The following PDE4C variants were observed in gnomAD, a reference collection of about 807,000 sequenced individuals.
The protein encoded by PDE4C is phosphodiesterase 4C.
Under a neutral mutation model 63.9 loss-of-function variants are expected in PDE4C, and 50 were observed. The ratio of observed to expected loss-of-function variants is 0.78; its 90% confidence interval spans 0.62 to 0.99. PDE4C has a LOEUF of 0.99. Among genes scored for constraint, PDE4C ranks in the 50% least tolerant of loss-of-function variants. PDE4C has a pLI of 0.00. For synonymous variants in PDE4C, 377 were observed against 385.1 expected, an observed-to-expected ratio of 0.98 and a Z score of 0.25; for missense variants, 777 against 899.1, an observed-to-expected ratio of 0.86 and a Z score of 1.74.
downstream of PDE4C, chr19:18,208,486 C>A (rs1967786123): frequency 6.6e-6 from 1 of 151,586 alleles, no homozygotes; most frequent in Non-Finnish European, 1.5e-5. Context: ...CCCCCAACCC[C>A]CGACAAGCGC....
intron 1 of PDE4C, among the ~76,000 whole-genome samples, chr19:18,232,463 G>A (rs995245878): frequency 5.3e-5 from 8 of 151,600 alleles, no homozygotes; most frequent in Non-Finnish European, 1.2e-4. Flanking sequence ...GGGTGCTTGA[G>A]CTGGTCACAA....
chr19:18,215,941 T>A (rs1313406918), intron 12 of PDE4C, among the ~76,000 whole-genome samples: 3 of 151,400 alleles, frequency 2.0e-5, no homozygotes, highest in African/African-American at 7.3e-5. Context: ...GCGATTCTCC[T>A]GCCTCAGCCT....
upstream of PDE4C, among the ~76,000 whole-genome samples, chr19:18,249,327 T>C (rs1969196008): frequency 2.0e-5 from 3 of 152,012 alleles, no homozygotes; most frequent in African/African-American, 7.2e-5. Context: ...CAGACTAGAG[T>C]GCAGTGGTGC....
At chr19:18,236,221 G>A (rs939188438), upstream of PDE4C, among the ~76,000 whole-genome samples, 5 of 151,872 alleles carry the variant, frequency 3.3e-5, no homozygotes, top group East Asian at 3.9e-4. Context: ...GGGATTACAG[G>A]AGTGAGCCAC....
chr19:18,247,548 G>A (rs1002371291), intron 1 of PDE4C, among the ~76,000 whole-genome samples: 15 of 152,090 alleles, frequency 9.9e-5, no homozygotes, highest in Admixed American at 8.5e-4. Context: ...CGCCTGCTTC[G>A]CCCTCCCAAA....
At chr19:18,216,894 G>A in exon 12 of PDE4C, 2 of 1,609,286 alleles carry the variant, frequency 1.2e-6, no homozygotes, top group South Asian at 1.1e-5. Context: ...CCAGCTCTGA[G>A]TCTGTGAGGG....
upstream of PDE4C, chr19:18,252,160 A>T (rs1969238050): frequency 2.5e-6 from 1 of 398,896 alleles, no homozygotes; most frequent in East Asian, 3.6e-5. Flanking sequence ...AGGGATTCGG[A>T]ACTGGGGAGG....
chr19:18,233,687 A>T, upstream of PDE4C: 1 of 358,052 alleles, frequency 2.8e-6, no homozygotes, highest in Non-Finnish European at 5.5e-6. Flanking sequence ...CTCCGGGTGG[A>T]TGAGACAGCG....
chr19:18,254,409 G>T, the PDE4C span, among the ~76,000 whole-genome samples: 1 of 152,188 alleles, frequency 6.6e-6, no homozygotes, highest in South Asian at 2.1e-4. Flanking sequence ...GCTGCTGAAG[G>T]GTTGACCAGA....
At chr19:18,246,342 A>C (rs1969132731) in intron 1 of PDE4C, among the ~76,000 whole-genome samples, 1 of 136,302 alleles carries the variant, frequency 7.3e-6, no homozygotes, top group Non-Finnish European at 1.6e-5. Flanking sequence ...CACCACCATG[A>C]CTGGCTATTT....
chr19:18,251,206 A>G (rs1600109663), upstream of PDE4C, among the ~76,000 whole-genome samples: 1 of 149,934 alleles, frequency 6.7e-6, no homozygotes, highest in South Asian at 2.1e-4. Flanking sequence ...GCTCACTCCA[A>G]CCTCCGCCTC....
At chr19:18,254,002 C>T in the PDE4C span, among the ~76,000 whole-genome samples, 2 of 152,212 alleles carry the variant, frequency 1.3e-5, no homozygotes, top group Non-Finnish European at 2.9e-5. Flanking sequence ...AAATAACACA[C>T]AACACTGGCC....
intron 1 of PDE4C, chr19:18,232,856 C>T: frequency 7.5e-7 from 1 of 1,333,054 alleles, no homozygotes; most frequent in Non-Finnish European, 9.8e-7. Flanking sequence ...CAGAGACCCC[C>T]GCCCCCTGGA....
rs1205527433 is a variant in PDE4C, at chr19:18,226,445, CGCCGGCTGCGCGGGACCTTT to C, written c.-50_-31del. 2 of 1,363,570 alleles carry C rather than the reference CGCCGGCTGCGCGGGACCTTT, an allele frequency of 1.5e-6. No individual in the cohort carries two copies. The highest frequency in any genetic ancestry group is 1.9e-6 in the Non-Finnish European group (2 of 1,063,912). The allele number at this position is 1,363,570 out of a possible 1,614,324, so 84.5% of individuals were successfully genotyped here. A position where few individuals can be genotyped will look rare whatever the true frequency, so the allele number is the denominator to read the frequency against. ...AGGACTGCGTGGAGGCTGGACCGAG[CGCCGGCTGCGCGGGACCTTT>C]TCTGGACAGCTGCGGGGGCGGGGCC... On this transcript the variant is annotated 5_prime_UTR_variant, in exon 1 of 15. Coordinates refer to ENST00000262805, the Ensembl canonical transcript of PDE4C.
upstream of PDE4C, among the ~76,000 whole-genome samples, chr19:18,248,807 G>A (rs936480073): frequency 5.8e-5 from 8 of 138,234 alleles, no homozygotes; most frequent in African/African-American, 1.6e-4. Flanking sequence ...GGTGGATCAC[G>A]AGATCAGGAG....
chr19:18,213,361 T>G lies in PDE4C; in HGVS notation c.1512+7A>C. The stretch of plus-strand genomic sequence containing the variant: ...AAGGAAGCCCCAGTGCCCATCCAGC[T>G]ACACACCTGGATTCGGTCGGAATAG... On this transcript the variant is annotated splice_region_variant and intron_variant, in intron 13 of 14. Coordinates refer to ENST00000262805, the Ensembl canonical transcript of PDE4C. 1 of 1,611,712 alleles carries G rather than the reference T, an allele frequency of 6.2e-7. No homozygotes were observed. The highest frequency in any genetic ancestry group is 8.5e-7 in the Non-Finnish European group (1 of 1,178,556).
chr19:18,219,069 C>T, intron 8 of PDE4C, 31 bp from the exon 9 acceptor site: 1 of 1,596,406 alleles, frequency 6.3e-7, no homozygotes, highest in African/African-American at 1.3e-5. Context: ...GCTTAATTAA[C>T]CCCAGCCCAA....
intron 2 of PDE4C, 127 bp downstream of exon 2, chr19:18,222,005 G>A (rs1459342156): frequency 1.0e-5 from 8 of 763,862 alleles, no homozygotes; most frequent in Non-Finnish European, 1.7e-5. Context: ...TATATGAGCT[G>A]TCTGGCAAAC....
At chr19:18,221,374 AG>A in intron 2 of PDE4C, 77 bp from the exon 3 acceptor site, 1 of 1,426,378 alleles carries the variant, frequency 7.0e-7, no homozygotes, top group Non-Finnish European at 9.5e-7. Context: ...CCCTCAACTG[AG>A]GGGGTCCTGC....
Sources: allele counts gnomAD v4.1 joint callset (sites outside exome capture counted in the v4.1 genomes callset), GRCh38; gene constraint gnomAD v4.1.1; transcripts MANE v1.5; gene names NCBI Gene and HGNC (gene_info 2026-07-23, HGNC 2026-07-21).